The following GNB1L variants were observed in gnomAD, a reference collection of about 807,000 sequenced individuals.
GNB1L encodes the protein G protein subunit beta 1 like.
In GNB1L, 20 loss-of-function variants were observed where a neutral mutation model predicts 29.1. That is an observed-to-expected ratio of 0.69 (90% CI 0.48 to 1.00). GNB1L has a LOEUF of 1.00. Ranked by LOEUF, GNB1L falls within the 50% of genes least tolerant of loss-of-function variation. GNB1L has a pLI of 0.00. For synonymous variants in GNB1L, 193 were observed against 206.5 expected, an observed-to-expected ratio of 0.93 and a Z score of 0.56; for missense variants, 421 against 464.9, an observed-to-expected ratio of 0.91 and a Z score of 0.87.
chr22:19,819,515 T>C (rs992666458), intron 4 of GNB1L, among the ~76,000 whole-genome samples: 2 of 152,152 alleles, frequency 1.3e-5, no homozygotes, highest in African/African-American at 4.8e-5. Flanking sequence ...ATACGTTCAC[T>C]AGGCTCTTCC....
chr22:19,847,368 G>C (rs548615403), intron 2 of GNB1L: 1 of 985,420 alleles, frequency 1.0e-6, no homozygotes, highest in African/African-American at 1.7e-5. Flanking sequence ...CTTTATTGCT[G>C]GATCTTTGGG....
intron 7 of GNB1L, among the ~76,000 whole-genome samples, chr22:19,793,324 C>T (rs536690656): frequency 1.3e-5 from 2 of 152,094 alleles, no homozygotes; most frequent in Admixed American, 6.5e-5. Context: ...ATAGGCTTAA[C>T]AGTAGATTGG....
chr22:19,852,067 C>T, intron 2 of GNB1L: 1 of 1,614,256 alleles, frequency 6.2e-7, no homozygotes, highest in East Asian at 2.2e-5. Flanking sequence ...TAGCTGTGCT[C>T]TTCTGCTCCA....
At chr22:19,846,906 C>A in intron 2 of GNB1L, 1 of 984,214 alleles carries the variant, frequency 1.0e-6, no homozygotes, top group Non-Finnish European at 1.2e-6. Flanking sequence ...CAGGCAGCCC[C>A]AGCAGACAAA....
intron 2 of GNB1L, among the ~76,000 whole-genome samples, chr22:19,840,512 T>C (rs944569658): frequency 5.9e-5 from 9 of 152,094 alleles, no homozygotes; most frequent in Admixed American, 2.6e-4. Flanking sequence ...ACTGACATGA[T>C]AGAAAATCCA....
At position 19,788,715 on chromosome 22, in the gene GNB1L, G is replaced by A. The variant is rs374630161; in HGVS notation, c.978C>T (p.Arg326=). The change falls in exon 8 of 8, where the codon CGC becomes CGT. Residue 326 remains arginine, a synonymous_variant. Coordinates refer to ENST00000329517, the MANE Select transcript of GNB1L (RefSeq NM_053004.3). ...CGGGAAGGGAGTGGGTGAGTCATGC[G>A]CGTGGGTAGAGTGACCAGAGGCTGA... ...QRISLWSLYP[R]A 65 of 1,611,480 alleles carry A rather than the reference G, an allele frequency of 4.0e-5. No homozygotes were observed. Among genetic ancestry groups the A allele is most frequent in the South Asian group, 3.7e-4 (34 of 90,984 alleles).
intron 7 of GNB1L, among the ~76,000 whole-genome samples, chr22:19,794,147 T>C (rs925963943): frequency 1.3e-5 from 2 of 152,128 alleles, no homozygotes; most frequent in Non-Finnish European, 2.9e-5. Flanking sequence ...TAGGTGCCTG[T>C]AGTCCCAACT....
chr22:19,799,472 GA>G (rs1601322450), intron 7 of GNB1L, among the ~76,000 whole-genome samples: 1 of 152,266 alleles, frequency 6.6e-6, no homozygotes, highest in African/African-American at 2.4e-5. Context: ...GGCCTTCCAG[GA>G]AGGATCTCTG....
chr22:19,842,308 C>T (rs1569054538), intron 2 of GNB1L, among the ~76,000 whole-genome samples: 1 of 152,258 alleles, frequency 6.6e-6, no homozygotes, highest in Non-Finnish European at 1.5e-5. Flanking sequence ...CATCTCAGTG[C>T]TGCTGCTTCA....
At chr22:19,806,616 G>T in intron 6 of GNB1L, 43 bp downstream of exon 6, 1 of 1,202,932 alleles carries the variant, frequency 8.3e-7, no homozygotes, top group Non-Finnish European at 1.2e-6. Context: ...TCATGGCCGT[G>T]GGTGTGGCCG....
chr22:19,821,345 G>C lies in GNB1L; in HGVS notation c.11C>G (p.Pro4Arg). MTA[P>R]CPPPPPDPQF... ...GGGGTCTGGAGGTGGCGGCGGGCAGGGGGCCGTCATGCTGGGCAGGATGCA... is the reference window on the plus strand; with the variant it reads ...GGGGTCTGGAGGTGGCGGCGGGCAGCGGGCCGTCATGCTGGGCAGGATGCA... Residue 4 changes from proline to arginine, a missense_variant, in exon 3 of 8, where the codon CCC becomes CGC. By Grantham distance (103) the Pro-to-Arg change is moderately radical (BLOSUM62 -2). Coordinates refer to ENST00000329517, the MANE Select transcript of GNB1L (RefSeq NM_053004.3). 6.2e-7 allele frequency: 1 copy of C among 1,612,480 alleles called. No individual in the cohort carries two copies. The highest frequency in any genetic ancestry group is 8.5e-7 in the Non-Finnish European group (1 of 1,179,746).
At chr22:19,852,277 G>T (rs760676983) in intron 2 of GNB1L, 2 of 1,584,548 alleles carry the variant, frequency 1.3e-6, no homozygotes, top group South Asian at 2.3e-5. Context: ...GAGCACAGGG[G>T]AGAAGAGAGG....
At chr22:19,793,647 TA>T (rs1289602309) in intron 7 of GNB1L, among the ~76,000 whole-genome samples, 3 of 151,414 alleles carry the variant, frequency 2.0e-5, no homozygotes, top group Non-Finnish European at 2.9e-5. Context: ...AAACCACAGA[TA>T]AAAAAAAATC....
At chr22:19,832,708 G>C (rs768393394) in intron 2 of GNB1L, among the ~76,000 whole-genome samples, 1 of 152,146 alleles carries the variant, frequency 6.6e-6, no homozygotes, top group Admixed American at 6.5e-5. Context: ...TTGTCTTTCT[G>C]ATCAGGGGAA....
At chr22:19,806,093 C>T (rs550376546) in intron 6 of GNB1L, among the ~76,000 whole-genome samples, 9 of 152,302 alleles carry the variant, frequency 5.9e-5, no homozygotes, top group South Asian at 2.1e-4. Flanking sequence ...ACCTGTGCCC[C>T]GGCTGATGCC....
At chr22:19,852,475 A>T (rs994641341) in intron 2 of GNB1L, 2 of 582,500 alleles carry the variant, frequency 3.4e-6, no homozygotes, top group Admixed American at 3.3e-5. Flanking sequence ...GCAGGCCATC[A>T]TCCGAGGCAA....
chr22:19,826,282 C>T (rs1937619129), intron 2 of GNB1L, among the ~76,000 whole-genome samples: 1 of 152,204 alleles, frequency 6.6e-6, no homozygotes, highest in South Asian at 2.1e-4. Context: ...GGTTTCAGCC[C>T]TAACTCACAC....
chr22:19,824,772 C>T (rs1041379689), intron 2 of GNB1L, among the ~76,000 whole-genome samples: 2 of 152,242 alleles, frequency 1.3e-5, no homozygotes, highest in Non-Finnish European at 2.9e-5. Context: ...CTGCAAATGT[C>T]CTGCTGGCGC....
intron 7 of GNB1L, among the ~76,000 whole-genome samples, chr22:19,798,779 G>A (rs1937335536): frequency 6.6e-6 from 1 of 152,220 alleles, no homozygotes; most frequent in South Asian, 2.1e-4. Context: ...CAGGAAATGA[G>A]GATGATGCGG....
Sources: gnomAD v4.1 joint callset for allele counts (sites outside exome capture counted in the v4.1 genomes callset) on GRCh38, gnomAD v4.1.1 for gene constraint, MANE v1.5 for transcripts, NCBI Gene and HGNC (gene_info 2026-07-23, HGNC 2026-07-21) for gene names.